Variants in NTN1 observed in about 807,000 individuals in gnomAD.
NTN1 encodes netrin 1, also known as netrin-1.
A neutral mutation model predicts 54.2 loss-of-function variants in NTN1; 11 were observed. That is an observed-to-expected ratio of 0.20 (90% CI 0.13 to 0.34). The LOEUF (loss-of-function observed/expected upper bound fraction) is 0.34. NTN1 is among the 10% of genes least tolerant of loss of function. The probability of loss-of-function intolerance (pLI) is 1.00; values close to 1 mark genes in which losing one functional copy is unlikely to be tolerated. For synonymous variants in NTN1, 371 were observed against 382.0 expected (o/e 0.97, Z 0.33); for missense variants, 740 against 893.1 (o/e 0.83, Z 2.18).
At chr17:9,168,281 C>T (rs3785972) in intron 3 of NTN1, among the ~76,000 whole-genome samples, 6,491 of 152,198 alleles carry the variant, frequency 0.043, 551 homozygotes, top group East Asian at 0.36. Context: ...GCCTGTAATC[C>T]CAACACTTTG....
intron 2 of NTN1, among the ~76,000 whole-genome samples, chr17:9,121,667 C>T (rs2092232097): frequency 6.6e-6 from 1 of 152,098 alleles, no homozygotes; most frequent in African/African-American, 2.4e-5. Context: ...TGGAGGGTAC[C>T]CCACCGGGTC....
rs1303224949 is a variant in NTN1 at position 9,135,233 on chromosome 17, G to T, written c.1019-27580G>T. ...CTGGGCTGCCCTTTACTGGCTACAG[G>T]AGGGTCACTGTTCTGCTGGAAAGTG... On this transcript the variant is annotated intron_variant, in intron 2 of 6. Transcript: ENST00000173229. The surrounding 1 kb of genome is among the most constrained non-coding windows in gnomAD (Gnocchi z 4.4). Among the ~76,000 whole-genome samples the T allele has an allele frequency of 6.6e-6, 1 of 152,126 alleles. No homozygotes were observed. Among genetic ancestry groups the T allele is most frequent in the Non-Finnish European group, 1.5e-5 (1 of 68,024 alleles).
chr17:9,222,779 TTTA>T (rs1293881277), intron 6 of NTN1, among the ~76,000 whole-genome samples: 1 of 152,174 alleles, frequency 6.6e-6, no homozygotes, highest in African/African-American at 2.4e-5. Context: ...GGCTTTCTTC[TTTA>T]ATAAGGACAG....
chr17:9,068,450 G>T (rs766711965), intron 2 of NTN1, among the ~76,000 whole-genome samples: 1 of 152,024 alleles, frequency 6.6e-6, no homozygotes, highest in Non-Finnish European at 1.5e-5. Context: ...CCCCCAAAGC[G>T]CTGGGATTAC....
chr17:9,108,552 A>G (rs7222455), intron 2 of NTN1, among the ~76,000 whole-genome samples: 109,976 of 152,156 alleles, frequency 0.72, 39,995 homozygotes, highest in East Asian at 0.95. Flanking sequence ...ACTCATTTAT[A>G]GTTTGTATTA....
chr17:9,091,746 T>A (rs2092111556), intron 2 of NTN1, among the ~76,000 whole-genome samples: 1 of 151,102 alleles, frequency 6.6e-6, no homozygotes, highest in Admixed American at 6.6e-5. Context: ...AGCCACCGTG[T>A]CCGGCCCGTT....
intron 2 of NTN1, among the ~76,000 whole-genome samples, chr17:9,142,563 A>AG (rs1440594988): frequency 1.3e-5 from 2 of 150,280 alleles, no homozygotes; most frequent in African/African-American, 4.9e-5. Context: ...AGATGATGGG[A>AG]GGGGGGTGGA....
At chr17:9,180,314 G>C (rs9906834) in intron 4 of NTN1, among the ~76,000 whole-genome samples, 54,579 of 152,162 alleles carry the variant, frequency 0.36, 10,209 homozygotes, top group Middle Eastern at 0.49. Flanking sequence ...GCTGGGATTA[G>C]AGGCATGAGC....
chr17:9,018,954 C>A (rs2091837692), upstream of NTN1, among the ~76,000 whole-genome samples: 1 of 152,212 alleles, frequency 6.6e-6, no homozygotes, highest in Non-Finnish European at 1.5e-5. Context: ...CAAGAAATTC[C>A]TATCTGATTT....
chr17:9,010,831 G>T, the NTN1 span, among the ~76,000 whole-genome samples: 8 of 152,154 alleles, frequency 5.3e-5, no homozygotes, highest in Non-Finnish European at 1.2e-4. Flanking sequence ...GGGGGTAGGG[G>T]ATAGTTTTGG....
At position 9,057,474 on chromosome 17, in the gene NTN1, C is replaced by T. The variant is rs188953174; in HGVS notation, c.1018+34083C>T. On this transcript the variant is annotated intron_variant, in intron 2 of 6. Coordinates refer to ENST00000173229, the MANE Select transcript of NTN1 (RefSeq NM_004822.3). ...TCTGCTCTTCCCCGGGGTTTGCTTT[C>T]CAGGGGCAGTTGTGTGACCTGCCTG... Among the ~76,000 whole-genome samples, 102 of 152,266 alleles carry T rather than the reference C, an allele frequency of 6.7e-4. 1 individual carries two copies. In the South Asian group the frequency reaches 0.011, roughly 17 times the overall value.
At chr17:9,162,433 G>A (rs1290327633) in intron 2 of NTN1, among the ~76,000 whole-genome samples, 1 of 152,042 alleles carries the variant, frequency 6.6e-6, no homozygotes, top group Non-Finnish European at 1.5e-5. Context: ...TCTCTCCTCC[G>A]TGCACATGCG....
At chr17:9,192,872 G>A (rs957404780) in intron 5 of NTN1, among the ~76,000 whole-genome samples, 2 of 152,134 alleles carry the variant, frequency 1.3e-5, no homozygotes, top group Non-Finnish European at 2.9e-5. Flanking sequence ...CCTGAGGTCA[G>A]GAGTTCAAGA....
At chr17:9,215,274 CACACACACACACACAT>C (rs1156412218) in intron 5 of NTN1, among the ~76,000 whole-genome samples, 11 of 149,336 alleles carry the variant, frequency 7.4e-5, no homozygotes, top group African/African-American at 2.2e-4. Context: ...CACACACACA[CACACACACACACACAT>C]ACACACATGG....
At chr17:9,031,456 T>C (rs2091888163) in intron 2 of NTN1, among the ~76,000 whole-genome samples, 1 of 152,174 alleles carries the variant, frequency 6.6e-6, no homozygotes, top group African/African-American at 2.4e-5. Context: ...CGAGAAATGA[T>C]CTTATAATAT....
At chr17:9,065,590 T>C (rs544538500) in intron 2 of NTN1, among the ~76,000 whole-genome samples, 2 of 152,344 alleles carry the variant, frequency 1.3e-5, no homozygotes, top group South Asian at 4.1e-4. Context: ...GACATTGAAC[T>C]GTGAACGCCA....
rs1293614486 is a variant in NTN1 at position 9,135,934 on chromosome 17, G to C, written c.1019-26879G>C. ...ACACTGCCACCCCAAACGTGTCTGTGTGCGCACGCTCACTCATACATGTGT... is the reference window on the plus strand; with the variant it reads ...ACACTGCCACCCCAAACGTGTCTGTCTGCGCACGCTCACTCATACATGTGT... On this transcript the variant is annotated intron_variant, in intron 2 of 6. Coordinates refer to ENST00000173229, the MANE Select transcript of NTN1 (RefSeq NM_004822.3). The surrounding 1 kb of genome is among the most constrained non-coding windows in gnomAD (Gnocchi z 4.4). Among the ~76,000 whole-genome samples the C allele has an allele frequency of 6.6e-6, 1 of 152,152 alleles. No individual in the cohort carries two copies. The highest frequency in any genetic ancestry group is 1.5e-5 in the Non-Finnish European group (1 of 68,036).
At chr17:9,192,417 C>T (rs144871052) in intron 5 of NTN1, among the ~76,000 whole-genome samples, 6 of 152,258 alleles carry the variant, frequency 3.9e-5, no homozygotes, top group South Asian at 2.1e-4. Context: ...TTAGCCATAT[C>T]GGTGGAAAGA....
upstream of NTN1, among the ~76,000 whole-genome samples, chr17:9,020,803 C>G (rs2091843547): frequency 6.6e-6 from 1 of 152,234 alleles, no homozygotes; most frequent in Non-Finnish European, 1.5e-5. Context: ...GTGCTGCCAG[C>G]TTCCTACCCC....
Sources: gnomAD v4.1 joint callset for allele counts (sites outside exome capture counted in the v4.1 genomes callset) on GRCh38, gnomAD v4.1.1 for gene constraint, Gnocchi (gnomAD v3.1) non-coding constraint, MANE v1.5 for transcripts, NCBI Gene and HGNC (gene_info 2026-07-23, HGNC 2026-07-21) for gene names.